DOCK8: variants seen among roughly 807,000 people sequenced by gnomAD.
DOCK8 encodes the protein dedicator of cytokinesis protein 8.
In DOCK8, 141 loss-of-function variants were observed where a neutral mutation model predicts 245.6. The observed-to-expected ratio is 0.57, with a 90% CI of 0.50 to 0.66. DOCK8 has a LOEUF of 0.66. DOCK8 is among the 30% of genes least tolerant of loss of function. DOCK8 has a pLI of 0.00. For missense variants in DOCK8, 2,965 were observed against 2,603.4 expected, an observed-to-expected ratio of 1.14 and a Z score of -3.02; for synonymous variants, 1,168 against 970.2, an observed-to-expected ratio of 1.20 and a Z score of -3.79.
In DOCK8 at chr9:421,083, G is replaced by T; in HGVS notation, c.4153+5G>T. The T allele has an allele frequency of 6.2e-7, 1 of 1,613,960 alleles. No individual in the cohort carries two copies. The highest frequency in any genetic ancestry group is 8.5e-7 in the Non-Finnish European group (1 of 1,180,032). On this transcript the variant is annotated splice_donor_5th_base_variant and intron_variant, in intron 32 of 47. Transcript: ENST00000432829. ...TGATGCGCCGCCGGGCTCCAGGTGTGTTGGACTGGCCCTTCCCTGCTCTCT... is the reference window on the plus strand; with the variant it reads ...TGATGCGCCGCCGGGCTCCAGGTGTTTTGGACTGGCCCTTCCCTGCTCTCT...
chr9:261,735 ACT>A (rs1321870053), intron 1 of DOCK8, among the ~76,000 whole-genome samples: 1 of 152,002 alleles, frequency 6.6e-6, no homozygotes, highest in Non-Finnish European at 1.5e-5. Flanking sequence ...TTTTTCCTCT[ACT>A]TTTGCAGTTC....
In DOCK8 at chr9:373,656, C is replaced by CT. The variant is rs1489766509; in HGVS notation, c.2109+1373dup. ...GTTCCAGTCAACTTTCTTCTCTGTT[C>CT]TTTCGCCATCTACCGTCTCACTTCC... On this transcript the variant is annotated intron_variant, in intron 18 of 47. Transcript: ENST00000432829. Among the ~76,000 whole-genome samples, 4 of 152,318 alleles carry CT rather than the reference C, an allele frequency of 2.6e-5. No homozygotes were observed. In the East Asian group the frequency reaches 7.7e-4, roughly 29 times the overall value.
chr9:299,281 G>A (rs2049416312), intron 4 of DOCK8, among the ~76,000 whole-genome samples: 1 of 152,076 alleles, frequency 6.6e-6, no homozygotes, highest in South Asian at 2.1e-4. Context: ...ATTTATATTT[G>A]TGAGAGTGAC....
In DOCK8 at chr9:237,274, T is replaced by C. The variant is rs147940244; in HGVS notation, c.53+22245T>C. On this transcript the variant is annotated intron_variant, in intron 1 of 47. Transcript: ENST00000432829. ...AGTACAGCTGAAGCACCTGAGATCC[T>C]AGGAGGAGACAAGAAGAATACAAGG... 4.1e-4 allele frequency among the ~76,000 whole-genome samples: 63 copies of C among 152,312 alleles called. 1 individual carries two copies. The East Asian group carries it at 0.011, about 28-fold the overall frequency.
chr9:278,082 A>G (rs2130103049), intron 2 of DOCK8, among the ~76,000 whole-genome samples: 1 of 152,350 alleles, frequency 6.6e-6, no homozygotes, highest in Admixed American at 6.5e-5. Flanking sequence ...TGAAGATCTC[A>G]AGATAATTTT....
At chr9:290,084 C>A (rs895804941) in intron 4 of DOCK8, among the ~76,000 whole-genome samples, 1 of 152,038 alleles carries the variant, frequency 6.6e-6, no homozygotes, top group Non-Finnish European at 1.5e-5. Context: ...GCTGAATAAT[C>A]TTTCATTGCA....
At chr9:445,666 A>G (rs1222529935) in intron 43 of DOCK8, among the ~76,000 whole-genome samples, 1 of 152,166 alleles carries the variant, frequency 6.6e-6, no homozygotes, top group Non-Finnish European at 1.5e-5. Context: ...GTTGCTGAGT[A>G]GTATTCTGTT....
chr9:224,601 AT>A (rs2046952625), intron 1 of DOCK8, among the ~76,000 whole-genome samples: 1 of 152,128 alleles, frequency 6.6e-6, no homozygotes, highest in African/African-American at 2.4e-5. Flanking sequence ...ACAGAGCAAT[AT>A]TCAGGACACA....
In DOCK8 at chr9:220,123, A is replaced by G. The variant is rs950452801; in HGVS notation, c.53+5094A>G. ...GTAGTGTGCTTTCAGGAATTGCTTT[A>G]TTTGTCTGATGTGTTCTAGACCAAA... On this transcript the variant is annotated intron_variant, in intron 1 of 47. Transcript: ENST00000432829. Among the ~76,000 whole-genome samples the G allele has an allele frequency of 2.6e-5, 4 of 152,248 alleles. No homozygotes were observed. The East Asian group carries it at 5.8e-4, about 22-fold the overall frequency.
chr9:228,210 T>G (rs2047030011), intron 1 of DOCK8, among the ~76,000 whole-genome samples: 1 of 152,166 alleles, frequency 6.6e-6, no homozygotes, highest in African/African-American at 2.4e-5. Flanking sequence ...CATACAATGC[T>G]GAACAAAGGA....
In DOCK8 at chr9:234,796, G is replaced by T. The variant is rs572993050; in HGVS notation, c.53+19767G>T. 2.7e-5 allele frequency among the ~76,000 whole-genome samples: 4 copies of T among 148,478 alleles called. No homozygotes were observed. In the Admixed American group the frequency reaches 2.7e-4, roughly 10 times the overall value. On this transcript the variant is annotated intron_variant, in intron 1 of 47. Coordinates refer to ENST00000432829, the MANE Select transcript of DOCK8 (RefSeq NM_203447.4). Reference sequence around the variant, plus strand: ...CATTGGTTATTCTAGTTATCCATTCGTCTATTTTTTTTTCAAAGCTTTTAA... The same window carrying T: ...CATTGGTTATTCTAGTTATCCATTCTTCTATTTTTTTTTCAAAGCTTTTAA...
At chr9:396,369 C>G (rs554741088) in intron 24 of DOCK8, among the ~76,000 whole-genome samples, 2 of 152,288 alleles carry the variant, frequency 1.3e-5, no homozygotes, top group East Asian at 1.9e-4. Context: ...ACAGAAAAGA[C>G]TTTAGTTCGC....
At chr9:303,856 G>A (rs961706800) in intron 4 of DOCK8, among the ~76,000 whole-genome samples, 4 of 152,144 alleles carry the variant, frequency 2.6e-5, no homozygotes, top group African/African-American at 4.8e-5. Flanking sequence ...TAAAAGTGGC[G>A]TGTTTGTGCA....
intron 45 of DOCK8, 40 bp from the exon 46 acceptor site, chr9:451,945 GTGTGTGTGTGTATATATATATATATA>G (rs2057462694): frequency 3.7e-6 from 1 of 267,152 alleles, no homozygotes; most frequent in Non-Finnish European, 6.2e-6. Flanking sequence ...ATATATATAT[GTGTGTGTGTGTATATATATATATATA>G]TATATATTTT....
chr9:396,670 A>C lies in DOCK8; in HGVS notation c.2971-115A>C, dbSNP rs1215483591. 1.1e-5 allele frequency: 15 copies of C among 1,423,876 alleles called. No homozygotes were observed. In the East Asian group the frequency reaches 2.3e-4, roughly 22 times the overall value. 88.2% of individuals were successfully genotyped at this position (1,423,876 alleles called of 1,614,324 possible). A position where few individuals can be genotyped will look rare whatever the true frequency, so the allele number is the denominator to read the frequency against. Reference sequence around the variant, plus strand: ...TGCTCGGGCACCACCAGCACAGATAAAGTGTCAGAAAATCCATTGTTAGAG... The same window carrying C: ...TGCTCGGGCACCACCAGCACAGATACAGTGTCAGAAAATCCATTGTTAGAG... On this transcript the variant is annotated intron_variant, in intron 24 of 47. Coordinates refer to ENST00000432829, the MANE Select transcript of DOCK8 (RefSeq NM_203447.4).
Position 441,857 on chromosome 9 carries a change from T to C in DOCK8, c.5356-18T>C, listed in dbSNP as rs776499743. The C allele has an allele frequency of 3.1e-6, 5 of 1,614,146 alleles. No individual in the cohort carries two copies. In the South Asian group the frequency reaches 5.5e-5, roughly 18 times the overall value. ...GGATGACATAACTAAGGAGAGCTTT[T>C]TATATTTTGTTCCTCAGGATCATAA... On this transcript the variant is annotated intron_variant, in intron 41 of 47. Transcript: ENST00000432829.
intron 4 of DOCK8, among the ~76,000 whole-genome samples, chr9:292,069 C>CA (rs139396600): frequency 0.044 from 2,292 of 52,554 alleles, 304 homozygotes; most frequent in African/African-American, 0.16. Flanking sequence ...GACCCTATCT[C>CA]AAAAAAAAAA....
intron 5 of DOCK8, among the ~76,000 whole-genome samples, chr9:305,473 G>C (rs1290281881): frequency 1.3e-5 from 2 of 152,050 alleles, no homozygotes; most frequent in Non-Finnish European, 1.5e-5. Context: ...TTTTAGTAGA[G>C]ACGGGGTTTC....
At chr9:380,874 G>T (rs1242428891) in intron 21 of DOCK8, 1 of 159,356 alleles carries the variant, frequency 6.3e-6, no homozygotes. Flanking sequence ...GAGATGGCAG[G>T]ATCGCTTGGA....
Sources: gnomAD v4.1 joint callset for allele counts (sites outside exome capture counted in the v4.1 genomes callset) on GRCh38, gnomAD v4.1.1 for gene constraint, MANE v1.5 for transcripts, NCBI Gene and HGNC (gene_info 2026-07-23, HGNC 2026-07-21) for gene names.